ADCY6: variants seen among roughly 807,000 people sequenced by gnomAD.
ADCY6 encodes adenylate cyclase 6.
A neutral mutation model predicts 111.6 loss-of-function variants in ADCY6; 59 were observed. The observed-to-expected ratio is 0.53, with a 90% CI of 0.43 to 0.66. ADCY6 has a LOEUF of 0.66. ADCY6 is among the 30% of genes least tolerant of loss of function. ADCY6 has a pLI of 0.00. For synonymous variants in ADCY6, 576 were observed against 642.9 expected (o/e 0.90, Z 1.57); for missense variants, 1,242 against 1,595.6 (o/e 0.78, Z 3.78).
chr12:48,777,319 A>G lies in ADCY6; in HGVS notation c.1249-88T>C, dbSNP rs1592160692. ...GCCCACCACCCTCCACGCATACTCT[A>G]TCTGCCCTCAAATCCCCAGCTGCTG... On this transcript the variant is annotated intron_variant, in intron 5 of 21. Coordinates refer to ENST00000357869, the MANE Select transcript of ADCY6 (RefSeq NM_015270.5). This position sits in a 1 kb window ranked among gnomAD's most constrained non-coding sequence, Gnocchi z 4.9. The G allele has an allele frequency of 1.9e-6, 3 of 1,596,580 alleles. No homozygotes were observed. Among genetic ancestry groups the G allele is most frequent in the East Asian group, 4.5e-5 (2 of 44,766 alleles).
In ADCY6 at chr12:48,768,389, A is replaced by G; in HGVS notation, c.*202T>C. On this transcript the variant is annotated 3_prime_UTR_variant, in exon 22 of 22. Coordinates refer to ENST00000357869, the MANE Select transcript of ADCY6 (RefSeq NM_015270.5). Reference sequence around the variant, plus strand: ...CCAAGTAAGAAAGAAAGTCACTTGCATAATCCTCTCGGTAGGTAGCCCCTT... The same window carrying G: ...CCAAGTAAGAAAGAAAGTCACTTGCGTAATCCTCTCGGTAGGTAGCCCCTT... The G allele has an allele frequency of 1.4e-6, 1 of 707,182 alleles. No individual in the cohort carries two copies. Among genetic ancestry groups the G allele is most frequent in the Non-Finnish European group, 2.3e-6 (1 of 426,662 alleles). The allele number at this position is 707,182 out of a possible 1,614,324, so 43.8% of individuals were successfully genotyped here.
At chr12:48,773,052 C>T (rs926264340) in intron 16 of ADCY6, among the ~76,000 whole-genome samples, 6 of 152,126 alleles carry the variant, frequency 3.9e-5, no homozygotes, top group Non-Finnish European at 8.8e-5. Flanking sequence ...CTACAACAAG[C>T]TATGGCCACA....
chr12:48,774,329 C>T (rs1565645729), intron 14 of ADCY6, 73 bp downstream of exon 14: 2 of 1,428,022 alleles, frequency 1.4e-6, no homozygotes, highest in Non-Finnish European at 2.0e-6. Flanking sequence ...GTCCTTTTCT[C>T]CGCTGTACTC....
chr12:48,781,049 T>C (rs1412730817), intron 2 of ADCY6, among the ~76,000 whole-genome samples: 1 of 151,832 alleles, frequency 6.6e-6, no homozygotes, highest in Non-Finnish European at 1.5e-5. Flanking sequence ...AATACAAAAA[T>C]TAGCTGGGCA....
Position 48,769,081 on chromosome 12 carries a change from A to C in ADCY6, c.3257-20T>G. ...TCAGCCCTGAGGTGGAGAGAACAGC[A>C]AGAGACTAGTGGATGCTCCAGGGTA... On this transcript the variant is annotated intron_variant, in intron 20 of 21. Coordinates refer to ENST00000357869, the MANE Select transcript of ADCY6 (RefSeq NM_015270.5). The C allele has an allele frequency of 6.2e-7, 1 of 1,600,224 alleles. No homozygotes were observed. Among genetic ancestry groups the C allele is most frequent in the Non-Finnish European group, 8.5e-7 (1 of 1,171,908 alleles).
intron 10 of ADCY6, 83 bp from the exon 11 acceptor site, chr12:48,775,533 TGAGG>T (rs1941673239): frequency 6.9e-6 from 11 of 1,592,848 alleles, no homozygotes; most frequent in Non-Finnish European, 8.6e-6. Context: ...GGACAGCACC[TGAGG>T]GAGGGAGGGA....
At chr12:48,775,820 G>A in intron 9 of ADCY6, 122 bp from the exon 10 acceptor site, 1 of 1,508,756 alleles carries the variant, frequency 6.6e-7, no homozygotes, top group Non-Finnish European at 9.0e-7. Context: ...GGGGCACTGG[G>A]ACCCGAGATG....
Position 48,778,093 on chromosome 12 carries a change from G to A in ADCY6, c.1014+15C>T, listed in dbSNP as rs772713021. The A allele has an allele frequency of 2.7e-5, 43 of 1,599,762 alleles. No individual in the cohort carries two copies. The highest frequency in any genetic ancestry group is 3.9e-4 in the Middle Eastern group (2 of 5,180). On this transcript the variant is annotated intron_variant, in intron 3 of 21. Coordinates refer to ENST00000357869, the MANE Select transcript of ADCY6 (RefSeq NM_015270.5). ...TAAGGTGGGGGCAGGCCCTGGTCAC[G>A]GGGAGCAGCCCCACCTGCTGCCGAT...
At chr12:48,773,707 G>C (rs1261841352) in intron 15 of ADCY6, 60 bp from the exon 16 acceptor site, 1 of 1,599,146 alleles carries the variant, frequency 6.3e-7, no homozygotes, top group East Asian at 2.2e-5. Flanking sequence ...CCTTGGGCAG[G>C]GAGAGCCCTG....
At position 48,782,911 on chromosome 12, in the gene ADCY6, C is replaced by T. The variant is rs1396084425; in HGVS notation, c.524G>A (p.Arg175His). Residue 175 changes from arginine to histidine, a missense_variant, in exon 2 of 22, where the codon CGC becomes CAC. By Grantham distance (29) the Arg-to-His change is conservative. Around this residue, in one of 4 missense-constraint regions of ADCY6, gnomAD observed 362 missense variants for 377.2 expected, o/e 0.96. Transcript: ENST00000357869. This position sits in a 1 kb window ranked among gnomAD's most constrained non-coding sequence, Gnocchi z 4.3. ...CAGTGCCACATAGGCAGGCTGAGGG[C>T]GGGCGGGTGCGGCGTGGAAAGCCAG... ...VLLAFHAAPA[R>H]PQPAYVALLA... 2.5e-6 allele frequency: 4 copies of T among 1,613,366 alleles called. No homozygotes were observed. Among genetic ancestry groups the T allele is most frequent in the Middle Eastern group, 1.6e-4 (1 of 6,084 alleles).
At position 48,773,538 on chromosome 12, in the gene ADCY6, A is replaced by G; in HGVS notation, c.2552T>C (p.Val851Ala). Residue 851 changes from valine (V) to alanine (A), a missense_variant, in exon 16 of 22, where the codon GTG (valine) becomes GCG (alanine). Coordinates refer to ENST00000357869, the MANE Select transcript of ADCY6 (RefSeq NM_015270.5). The stretch of plus-strand genomic sequence containing the variant: ...GGCTGGGGGACCCAGCAGAAGCAGC[A>G]CCAAATAGATGAGCCCCAAGACAAA... ...MIFVLGLIYLVLLLLGPPATI... is the reference protein window; with the variant it reads ...MIFVLGLIYLALLLLGPPATI... 1 of 1,614,150 alleles carries G rather than the reference A, an allele frequency of 6.2e-7. No homozygotes were observed.
chr12:48,776,030 A>C lies in ADCY6; in HGVS notation c.1739T>G (p.Leu580Arg). ...ACGATCAGGAACCCAGCGCGGCATC[A>C]GCCCTTCCATGGAGTTGGCCCGAGT... ...QRTRANSMEGLMPRWVPDRAF... is the reference protein window; with the variant it reads ...QRTRANSMEGRMPRWVPDRAF... The change falls in exon 9 of 22, where the codon CTG becomes CGG. Residue 580 changes from leucine (L) to arginine (R), a missense_variant. Leu to Arg is a moderately radical substitution (Grantham distance 102). Coordinates refer to ENST00000357869, the MANE Select transcript of ADCY6 (RefSeq NM_015270.5). This position sits in a 1 kb window ranked among gnomAD's most constrained non-coding sequence, Gnocchi z 6.1. 6.2e-7 allele frequency: 1 copy of C among 1,613,202 alleles called. No homozygotes were observed. Among genetic ancestry groups the C allele is most frequent in the Non-Finnish European group, 8.5e-7 (1 of 1,179,564 alleles).
chr12:48,782,573 G>C lies in ADCY6; in HGVS notation c.862C>G (p.Gln288Glu). ...TCCCTACCTCCCTGGCCACCTACCT[G>C]CTTCCAGAGGAAGGCATCACCACGG... ...LNRGDAFLWK[Q>E]LGANVLLFLC... is the part of the protein sequence containing the mutation. Residue 288 changes from glutamine to glutamate, a missense_variant and splice_region_variant, in exon 2 of 22, where the codon CAG becomes GAG. By Grantham distance (29) the Gln-to-Glu change is conservative (BLOSUM62 2). Transcript: ENST00000357869. This position sits in a 1 kb window ranked among gnomAD's most constrained non-coding sequence, Gnocchi z 4.3. 6.2e-7 allele frequency: 1 copy of C among 1,608,790 alleles called. No homozygotes were observed. The highest frequency in any genetic ancestry group is 8.5e-7 in the Non-Finnish European group (1 of 1,177,082).
upstream of ADCY6, chr12:48,789,973 C>G (rs190609420): frequency 1.3e-5 from 2 of 152,442 alleles, no homozygotes; most frequent in Admixed American, 1.3e-4. Context: ...AACTGAGAAA[C>G]TGGGTCTTTA....
intron 15 of ADCY6, 66 bp from the exon 16 acceptor site, chr12:48,773,713 C>T (rs763560102): frequency 2.5e-6 from 4 of 1,584,874 alleles, no homozygotes; most frequent in Non-Finnish European, 3.5e-6. Flanking sequence ...GCAGGGAGAG[C>T]CCTGCACTCT....
intron 2 of ADCY6, among the ~76,000 whole-genome samples, chr12:48,779,645 G>A (rs1941793373): frequency 6.6e-6 from 1 of 152,188 alleles, no homozygotes; most frequent in Non-Finnish European, 1.5e-5. Context: ...ACTGGCTAGA[G>A]AGCAAGTCTA....
Position 48,776,734 on chromosome 12 carries a change from G to C in ADCY6, c.1377-148C>G, listed in dbSNP as rs1941714920. On this transcript the variant is annotated intron_variant, in intron 6 of 21. Coordinates refer to ENST00000357869, the MANE Select transcript of ADCY6 (RefSeq NM_015270.5). The surrounding 1 kb of genome is among the most constrained non-coding windows in gnomAD (Gnocchi z 6.1). Reference sequence around the variant, plus strand: ...GCACAGCCTTGGTTGGACATGAGCAGAAGGCTGCATGGGGCTCAAGGACAA... The same window carrying C: ...GCACAGCCTTGGTTGGACATGAGCACAAGGCTGCATGGGGCTCAAGGACAA... 1 of 1,121,072 alleles carries C rather than the reference G, an allele frequency of 8.9e-7. No individual in the cohort carries two copies. The highest frequency in any genetic ancestry group is 2.8e-5 in the Admixed American group (1 of 35,398). 69.4% of individuals were successfully genotyped at this position (1,121,072 alleles called of 1,614,324 possible). A position where few individuals can be genotyped will look rare whatever the true frequency, so the allele number is the denominator to read the frequency against.
rs1285819210 is a variant in ADCY6, at chr12:48,767,415, A to T, written c.*1176T>A. 2 of 152,602 alleles carry T rather than the reference A, an allele frequency of 1.3e-5. No individual in the cohort carries two copies. Among genetic ancestry groups the T allele is most frequent in the Non-Finnish European group, 2.9e-5 (2 of 68,092 alleles). 9.5% of individuals were successfully genotyped at this position (152,602 alleles called of 1,614,324 possible). A position where few individuals can be genotyped will look rare whatever the true frequency, so the allele number is the denominator to read the frequency against. Reference sequence around the variant, plus strand: ...CTCTCTACATCCCCTGAAGTAGGAAACCCTGCTTTATTCCCAGAAGACAGA... The same window carrying T: ...CTCTCTACATCCCCTGAAGTAGGAATCCCTGCTTTATTCCCAGAAGACAGA... On this transcript the variant is annotated 3_prime_UTR_variant, in exon 22 of 22. Coordinates refer to ENST00000357869, the MANE Select transcript of ADCY6 (RefSeq NM_015270.5).
At chr12:48,779,587 C>A (rs1388088791) in intron 2 of ADCY6, among the ~76,000 whole-genome samples, 1 of 152,124 alleles carries the variant, frequency 6.6e-6, no homozygotes, top group Admixed American at 6.5e-5. Context: ...GGCCCTAGGC[C>A]TAGGGCCCCA....
Sources: gnomAD v4.1 joint callset for allele counts (sites outside exome capture counted in the v4.1 genomes callset) on GRCh38, gnomAD v4.1.1 for gene constraint, gnomAD v4.1.1 regional missense constraint, Gnocchi (gnomAD v3.1) non-coding constraint, MANE v1.5 for transcripts, NCBI Gene and HGNC (gene_info 2026-07-23, HGNC 2026-07-21) for gene names.